The following UXS1 variants were observed in gnomAD, a reference collection of about 807,000 sequenced individuals.
The protein encoded by UXS1 is UDP-glucuronate decarboxylase 1, also known as UDP-glucuronic acid decarboxylase 1.
In UXS1, 33 loss-of-function variants were observed where a neutral mutation model predicts 62.6. That is an observed-to-expected ratio of 0.53 (90% CI 0.40 to 0.70). The LOEUF (loss-of-function observed/expected upper bound fraction) is 0.70. Among genes scored for constraint, UXS1 ranks in the 30% least tolerant of loss-of-function variants. The probability of loss-of-function intolerance (pLI) is 0.00; values close to 1 mark genes in which losing one functional copy is unlikely to be tolerated. For synonymous variants in UXS1, 213 were observed against 206.8 expected, an observed-to-expected ratio of 1.03 and a Z score of -0.26; for missense variants, 434 against 556.3, an observed-to-expected ratio of 0.78 and a Z score of 2.21.
chr2:106,176,397 T>G (rs1683882141), intron 1 of UXS1, among the ~76,000 whole-genome samples: 1 of 152,200 alleles, frequency 6.6e-6, no homozygotes, highest in Admixed American at 6.5e-5. Context: ...CATTCAAAGT[T>G]TTGCTTAAGC....
At chr2:106,147,704 C>A (rs1209644093) in intron 5 of UXS1, among the ~76,000 whole-genome samples, 2 of 152,204 alleles carry the variant, frequency 1.3e-5, no homozygotes, top group African/African-American at 4.8e-5. Context: ...ATTTATACCT[C>A]CTTGTAACTT....
At chr2:106,173,685 G>C (rs1379414605) in intron 1 of UXS1, among the ~76,000 whole-genome samples, 1 of 152,262 alleles carries the variant, frequency 6.6e-6, no homozygotes, top group African/African-American at 2.4e-5. Context: ...AAGATAATTT[G>C]TAAAAGCATG....
intron 4 of UXS1, among the ~76,000 whole-genome samples, chr2:106,160,814 C>G (rs1682842529): frequency 6.6e-6 from 1 of 152,180 alleles, no homozygotes; most frequent in Admixed American, 6.5e-5. Context: ...CGTGCTGAAA[C>G]CTTTAATTTA....
chr2:106,097,897 C>A (rs896962104), intron 13 of UXS1, among the ~76,000 whole-genome samples: 2 of 152,232 alleles, frequency 1.3e-5, no homozygotes, highest in Non-Finnish European at 2.9e-5. Context: ...AAGACCGCTG[C>A]TTCTACTGCC....
intron 6 of UXS1, among the ~76,000 whole-genome samples, chr2:106,142,502 A>T (rs1681193070): frequency 6.6e-6 from 1 of 152,104 alleles, no homozygotes; most frequent in Non-Finnish European, 1.5e-5. Context: ...TTCTAGTGTA[A>T]TTCCACTCTG....
chr2:106,139,973 G>A (rs1361027580), intron 6 of UXS1, among the ~76,000 whole-genome samples: 2 of 152,164 alleles, frequency 1.3e-5, no homozygotes, highest in Admixed American at 1.3e-4. Flanking sequence ...GTCCCTCTCT[G>A]CAATGTGAAG....
At chr2:106,125,584 T>C in intron 8 of UXS1, 36 bp downstream of exon 8, 1 of 1,534,020 alleles carries the variant, frequency 6.5e-7, no homozygotes, top group Non-Finnish European at 8.8e-7. Flanking sequence ...GTCCAAGGGC[T>C]GGAGTGAACA....
chr2:106,100,818 A>G (rs3739136), intron 12 of UXS1: 386,653 of 518,292 alleles, frequency 0.75, 145,987 homozygotes, highest in Middle Eastern at 0.78. Context: ...TCTTAGACCC[A>G]GGCCCTTCAG....
intron 9 of UXS1, among the ~76,000 whole-genome samples, chr2:106,113,538 T>C (rs1057235177): frequency 1.3e-5 from 2 of 152,234 alleles, no homozygotes; most frequent in Non-Finnish European, 2.9e-5. Context: ...ATCATGGAAG[T>C]GCATACTTGA....
At chr2:106,121,280 C>T (rs1439663260) in intron 9 of UXS1, among the ~76,000 whole-genome samples, 2 of 152,074 alleles carry the variant, frequency 1.3e-5, no homozygotes, top group Non-Finnish European at 1.5e-5. Context: ...CCATAATTAT[C>T]GCAAGCTTAT....
intron 1 of UXS1, among the ~76,000 whole-genome samples, chr2:106,167,012 G>C (rs1056897116): frequency 1.3e-5 from 2 of 152,134 alleles, no homozygotes; most frequent in Non-Finnish European, 2.9e-5. Context: ...ACTCCAACGG[G>C]AGTGCCATCC....
intron 5 of UXS1, among the ~76,000 whole-genome samples, chr2:106,154,055 G>C (rs1682241611): frequency 6.6e-6 from 1 of 152,126 alleles, no homozygotes; most frequent in African/African-American, 2.4e-5. Flanking sequence ...AAACTAAACA[G>C]AGCCTCAGAC....
Position 106,101,038 on chromosome 2 carries a change from G to C in UXS1, c.984+20C>G. Reference sequence around the variant, plus strand: ...GAAAGTCTGAGCTGTCCTGCAGAGTGGAGGGAGAGGAGCACTCACCAGGTT... The same window carrying C: ...GAAAGTCTGAGCTGTCCTGCAGAGTCGAGGGAGAGGAGCACTCACCAGGTT... On this transcript the variant is annotated intron_variant, in intron 12 of 14. Coordinates refer to ENST00000283148, the MANE Select transcript of UXS1 (RefSeq NM_001253875.2). 1.2e-6 allele frequency: 2 copies of C among 1,613,892 alleles called. No homozygotes were observed. The highest frequency in any genetic ancestry group is 1.7e-6 in the Non-Finnish European group (2 of 1,179,820).
intron 1 of UXS1, among the ~76,000 whole-genome samples, chr2:106,186,314 C>A (rs1269637928): frequency 6.6e-6 from 1 of 152,172 alleles, no homozygotes; most frequent in Admixed American, 6.5e-5. Context: ...CCAGCCCAGA[C>A]ACTACATGTT....
intron 6 of UXS1, among the ~76,000 whole-genome samples, chr2:106,130,608 G>A (rs1454550081): frequency 6.6e-6 from 1 of 152,226 alleles, no homozygotes; most frequent in Non-Finnish European, 1.5e-5. Context: ...CCTTGCACAT[G>A]GATGTGTAAG....
At chr2:106,117,031 TG>T (rs1233742785) in intron 9 of UXS1, among the ~76,000 whole-genome samples, 1 of 152,242 alleles carries the variant, frequency 6.6e-6, no homozygotes, top group Non-Finnish European at 1.5e-5. Context: ...CTGGGGCTAC[TG>T]TCTGCACGCA....
intron 5 of UXS1, among the ~76,000 whole-genome samples, chr2:106,155,548 T>C (rs1469222316): frequency 1.3e-5 from 2 of 152,198 alleles, no homozygotes; most frequent in Non-Finnish European, 2.9e-5. Flanking sequence ...TACTTATCTT[T>C]GTTATAACTA....
chr2:106,178,823 C>T (rs1248349949), intron 1 of UXS1, among the ~76,000 whole-genome samples: 1 of 145,046 alleles, frequency 6.9e-6, no homozygotes, highest in Non-Finnish European at 1.5e-5. Flanking sequence ...TAGTTCTGAG[C>T]ACACCCAGTG....
intron 1 of UXS1, among the ~76,000 whole-genome samples, chr2:106,174,679 G>C (rs1251855543): frequency 6.6e-6 from 1 of 152,228 alleles, no homozygotes; most frequent in Non-Finnish European, 1.5e-5. Context: ...ACAGAACCAA[G>C]GCACGTGCCC....
Sources: allele counts gnomAD v4.1 joint callset (sites outside exome capture counted in the v4.1 genomes callset), GRCh38; gene constraint gnomAD v4.1.1; transcripts MANE v1.5; gene names NCBI Gene and HGNC (gene_info 2026-07-23, HGNC 2026-07-21).